Variants in RIMS2 observed in about 807,000 individuals in gnomAD.
The protein encoded by RIMS2 is regulating synaptic membrane exocytosis 2.
Under a neutral mutation model 174.4 loss-of-function variants are expected in RIMS2, and 59 were observed. That is an observed-to-expected ratio of 0.34 (90% CI 0.27 to 0.42). The LOEUF (loss-of-function observed/expected upper bound fraction) is 0.42. RIMS2 is among the 10% of genes least tolerant of loss of function. The pLI is 1.00. For missense variants in RIMS2, 1,620 were observed against 1,666.3 expected, an observed-to-expected ratio of 0.97 and a Z score of 0.48; for synonymous variants, 606 against 572.5, an observed-to-expected ratio of 1.06 and a Z score of -0.84.
chr8:104,075,050 CT>C (rs1324767815), intron 19 of RIMS2, among the ~76,000 whole-genome samples: 3 of 151,976 alleles, frequency 2.0e-5, no homozygotes, highest in African/African-American at 4.8e-5. Context: ...AAACAAAATA[CT>C]TGGGGAAAAG....
chr8:104,251,859 CAAAAA>C (rs34085789), downstream of RIMS2: 71 of 709,850 alleles, frequency 1.0e-4, no homozygotes, highest in East Asian at 3.4e-4. Flanking sequence ...ACCAGCGTTA[CAAAAA>C]AAAAAAAAAA....
chr8:103,611,548 T>TTC (rs1564007923), intron 1 of RIMS2, among the ~76,000 whole-genome samples: 2 of 150,878 alleles, frequency 1.3e-5, no homozygotes, highest in Non-Finnish European at 1.5e-5. Flanking sequence ...TTTTTTTTTG[T>TTC]CAGATGTAGT....
At chr8:104,111,640 G>T (rs145274326) in intron 19 of RIMS2, among the ~76,000 whole-genome samples, 6 of 151,872 alleles carry the variant, frequency 4.0e-5, no homozygotes, top group African/African-American at 1.5e-4. Flanking sequence ...TCTCTTGACC[G>T]CGTGATCCAC....
intron 19 of RIMS2, among the ~76,000 whole-genome samples, chr8:104,049,462 C>G (rs1237567085): frequency 6.6e-6 from 1 of 151,966 alleles, no homozygotes; most frequent in East Asian, 1.9e-4. Flanking sequence ...AAACCCGAAG[C>G]CATGCTTTTG....
chr8:103,884,029 TA>T lies in RIMS2; in HGVS notation c.699-1265del, dbSNP rs2099185394. Among the ~76,000 whole-genome samples the T allele has an allele frequency of 3.3e-5, 5 of 151,986 alleles. No homozygotes were observed. In the South Asian group the frequency reaches 1.0e-3, roughly 32 times the overall value. The stretch of plus-strand genomic sequence containing the variant: ...GTTATGTAGCTTCTGGTTCCTGAAT[TA>T]AAACCCTTCCTACCTGGAAAACCTA... On this transcript the variant is annotated intron_variant, in intron 3 of 23. Coordinates refer to ENST00000504942, the Ensembl canonical transcript of RIMS2.
intron 1 of RIMS2, among the ~76,000 whole-genome samples, chr8:103,517,266 A>C (rs975955755): frequency 6.6e-6 from 1 of 152,206 alleles, no homozygotes; most frequent in African/African-American, 2.4e-5. Context: ...GCCTTGCAGG[A>C]AAAAGTATGT....
intron 2 of RIMS2, among the ~76,000 whole-genome samples, chr8:103,741,871 T>G (rs1197804105): frequency 6.6e-6 from 1 of 152,104 alleles, no homozygotes; most frequent in Non-Finnish European, 1.5e-5. Context: ...CACATGAAAC[T>G]TTCTGTCAGA....
At chr8:103,733,272 G>A (rs751134567) in intron 2 of RIMS2, among the ~76,000 whole-genome samples, 5 of 152,054 alleles carry the variant, frequency 3.3e-5, no homozygotes, top group African/African-American at 7.2e-5. Flanking sequence ...CTGGTACCCT[G>A]TTCTACTGTG....
intron 2 of RIMS2, among the ~76,000 whole-genome samples, chr8:103,732,545 C>T (rs1373540034): frequency 6.6e-6 from 1 of 152,096 alleles, no homozygotes; most frequent in Non-Finnish European, 1.5e-5. Flanking sequence ...GGTAAGTTTC[C>T]CTCAATCCTG....
At chr8:103,857,123 AC>A (rs2099032352) in intron 3 of RIMS2, among the ~76,000 whole-genome samples, 1 of 152,218 alleles carries the variant, frequency 6.6e-6, no homozygotes, top group Non-Finnish European at 1.5e-5. Flanking sequence ...ATACGGTGTT[AC>A]ATAAAATTTT....
chr8:104,073,696 A>G (rs558270774), intron 19 of RIMS2, among the ~76,000 whole-genome samples: 4 of 152,302 alleles, frequency 2.6e-5, no homozygotes, highest in African/African-American at 9.6e-5. Context: ...GGACAATGTA[A>G]TAAAATAAAG....
chr8:103,955,239 A>C (rs1440680492), intron 14 of RIMS2, among the ~76,000 whole-genome samples: 2 of 152,176 alleles, frequency 1.3e-5, no homozygotes, highest in Non-Finnish European at 2.9e-5. Flanking sequence ...AATCCTCCTT[A>C]ACTCATTTTA....
chr8:104,160,193 G>A (rs1427071431), intron 19 of RIMS2, among the ~76,000 whole-genome samples: 1 of 151,616 alleles, frequency 6.6e-6, no homozygotes, highest in Non-Finnish European at 1.5e-5. Context: ...TAACTTATTT[G>A]CATTTGTCCA....
chr8:103,916,179 C>T (rs1449080527), intron 7 of RIMS2, among the ~76,000 whole-genome samples: 2 of 151,940 alleles, frequency 1.3e-5, no homozygotes, highest in Non-Finnish European at 2.9e-5. Flanking sequence ...TAAGAAATCC[C>T]ATAGAGATAA....
intron 3 of RIMS2, among the ~76,000 whole-genome samples, chr8:103,778,886 C>CT (rs1288394813): frequency 6.6e-6 from 1 of 152,088 alleles, no homozygotes; most frequent in Non-Finnish European, 1.5e-5. Flanking sequence ...GAGAGTTCTC[C>CT]TTTTTCCACA....
intron 19 of RIMS2, among the ~76,000 whole-genome samples, chr8:104,170,062 G>A (rs1272781473): frequency 6.6e-6 from 1 of 151,972 alleles, no homozygotes; most frequent in Non-Finnish European, 1.5e-5. Flanking sequence ...TAAATGTATT[G>A]AGACTTGTTT....
chr8:103,931,689 C>T (rs1193234914), intron 12 of RIMS2, among the ~76,000 whole-genome samples: 3 of 151,898 alleles, frequency 2.0e-5, no homozygotes, highest in Non-Finnish European at 4.4e-5. Context: ...AAATTTTTAA[C>T]ACAAATTATA....
At chr8:104,048,761 G>A (rs1218466987) in intron 19 of RIMS2, among the ~76,000 whole-genome samples, 1 of 152,074 alleles carries the variant, frequency 6.6e-6, no homozygotes, top group Non-Finnish European at 1.5e-5. Context: ...GAAATTGAAA[G>A]TAATGTCTGT....
At chr8:104,212,963 T>G (rs1426815145) in intron 19 of RIMS2, among the ~76,000 whole-genome samples, 3 of 152,114 alleles carry the variant, frequency 2.0e-5, no homozygotes, top group African/African-American at 7.2e-5. Flanking sequence ...TTTAACTCAA[T>G]TTTTTCTTTA....
Sources: gnomAD v4.1 joint callset for allele counts (sites outside exome capture counted in the v4.1 genomes callset) on GRCh38, gnomAD v4.1.1 for gene constraint, MANE v1.5 for transcripts, NCBI Gene and HGNC (gene_info 2026-07-23, HGNC 2026-07-21) for gene names.